Variants in DNAAF5 observed in about 807,000 individuals in gnomAD.
DNAAF5 encodes the protein dynein axonemal assembly factor 5, also known as HEAT repeat containing 2.
A neutral mutation model predicts 75.8 loss-of-function variants in DNAAF5; 64 were observed. That is an observed-to-expected ratio of 0.84 (90% CI 0.69 to 1.04). The LOEUF is 1.04. Ranked by LOEUF, DNAAF5 falls within the 50% of genes least tolerant of loss-of-function variation. The pLI, the probability that DNAAF5 is intolerant of heterozygous loss-of-function variation, is 0.00. For synonymous variants in DNAAF5, 657 were observed against 557.2 expected (o/e 1.18, Z -2.52); for missense variants, 1,269 against 1,178.5 (o/e 1.08, Z -1.12).
intron 8 of DNAAF5, among the ~76,000 whole-genome samples, chr7:769,861 G>A (rs1048237704): frequency 3.9e-5 from 6 of 152,040 alleles, no homozygotes; most frequent in East Asian, 1.9e-4. Context: ...GGCTGGTCTC[G>A]AACTCCCGAC....
chr7:783,570 T>C (rs562281955), intron 12 of DNAAF5, among the ~76,000 whole-genome samples: 16 of 152,316 alleles, frequency 1.1e-4, no homozygotes, highest in African/African-American at 2.4e-4. Context: ...CCAGAGCCCA[T>C]TGATCCACGG....
Position 729,803 on chromosome 7 carries a change from G to C in DNAAF5, c.736G>C (p.Val246Leu). The C allele has an allele frequency of 6.2e-7, 1 of 1,614,220 alleles. No individual in the cohort carries two copies. Among genetic ancestry groups the C allele is most frequent in the Admixed American group, 1.7e-5 (1 of 60,022 alleles). ...HFGNGKSVDD[V>L]LSHFAQRLFD... ...TGGCAACGGGAAGTCCGTGGACGAC[G>C]TGCTTTCCCATTTTGCTCAGCGACT... Residue 246 changes from valine to leucine, a missense_variant, in exon 2 of 13, where the codon GTG (valine) becomes CTG (leucine). Physicochemically the swap from Val to Leu is conservative, Grantham distance 32. Coordinates refer to ENST00000297440, the MANE Select transcript of DNAAF5 (RefSeq NM_017802.4).
Position 740,917 on chromosome 7 carries a change from C to G in DNAAF5, c.879C>G (p.Ser293Arg). 6.2e-7 allele frequency: 1 copy of G among 1,613,794 alleles called. No homozygotes were observed. The highest frequency in any genetic ancestry group is 8.5e-7 in the Non-Finnish European group (1 of 1,180,034). Residue 293 changes from serine (S) to arginine (R), a missense_variant, in exon 3 of 13, where the codon AGC (serine) becomes AGG (arginine). Coordinates refer to ENST00000297440, the MANE Select transcript of DNAAF5 (RefSeq NM_017802.4). ...AGCTCATCCCTCTGCTGCTCAGTAGCCTCAACGACGAGGTGCCTGAGGTCA... is the reference window on the plus strand; with the variant it reads ...AGCTCATCCCTCTGCTGCTCAGTAGGCTCAACGACGAGGTGCCTGAGGTCA... ...FHKLIPLLLS[S>R]LNDEVPEVRQ...
In DNAAF5 at chr7:785,575, C is replaced by T. The variant is rs774657675; in HGVS notation, c.2490C>T (p.Ala830=). Residue 830 remains alanine, a synonymous_variant, in exon 13 of 13, where the codon GCC becomes GCT. Coordinates refer to ENST00000297440, the MANE Select transcript of DNAAF5 (RefSeq NM_017802.4). ...ATCTCCTGGTGAGGGAGACGGAGGC[C>T]GTCATCCACAAGCACCGCTCGGCCA... ...FPDLLVRETE[A]VIHKHRSATY... The T allele has an allele frequency of 4.1e-5, 66 of 1,613,262 alleles. No individual in the cohort carries two copies. In the Middle Eastern group the frequency reaches 1.5e-3, roughly 36 times the overall value.
chr7:734,697 C>T (rs140240962), intron 2 of DNAAF5, among the ~76,000 whole-genome samples: 193 of 152,268 alleles, frequency 1.3e-3, no homozygotes, highest in African/African-American at 4.2e-3. Context: ...TGAAATATTG[C>T]GACCCGGGCT....
Position 780,092 on chromosome 7 carries a change from G to T in DNAAF5, c.2379G>T (p.Glu793Asp), listed in dbSNP as rs1487211423. The T allele has an allele frequency of 4.3e-6, 7 of 1,614,206 alleles. No homozygotes were observed. Among genetic ancestry groups the T allele is most frequent in the South Asian group, 1.1e-5 (1 of 91,084 alleles). ...GCAGTGTCCAGTACCTGTACCGAGAGTTGCTGGTTCACCTTGACGATCCAG... is the reference window on the plus strand; with the variant it reads ...GCAGTGTCCAGTACCTGTACCGAGATTTGCTGGTTCACCTTGACGATCCAG... ...YQSSVQYLYR[E>D]LLVHLDDPER... Residue 793 changes from glutamate (E) to aspartate (D), a missense_variant, in exon 12 of 13, where the codon GAG becomes GAT. Physicochemically the swap from Glu to Asp is conservative, Grantham distance 45. Transcript: ENST00000297440.
At chr7:770,147 T>C (rs568350120) in intron 8 of DNAAF5, among the ~76,000 whole-genome samples, 1 of 152,282 alleles carries the variant, frequency 6.6e-6, no homozygotes, top group African/African-American at 2.4e-5. Flanking sequence ...AGATGGGGTT[T>C]CACCATGTTG....
At chr7:732,169 C>T (rs1207647247) in intron 2 of DNAAF5, among the ~76,000 whole-genome samples, 2 of 152,236 alleles carry the variant, frequency 1.3e-5, no homozygotes, top group Non-Finnish European at 2.9e-5. Context: ...GGTCTAGCCG[C>T]CCTGGAGCCT....
rs568954622 is a variant in DNAAF5 at position 777,038 on chromosome 7, G to A, written c.2239+1876G>A. 8.5e-5 allele frequency among the ~76,000 whole-genome samples: 13 copies of A among 152,302 alleles called. No individual in the cohort carries two copies. The South Asian group carries it at 1.7e-3, about 19-fold the overall frequency. ...TTATGAAACTAATGCCTGATGATCC[G>A]TCACTGTCTCCCATCGTCCCCACAT... On this transcript the variant is annotated intron_variant, in intron 11 of 12. Coordinates refer to ENST00000297440, the MANE Select transcript of DNAAF5 (RefSeq NM_017802.4).
chr7:782,931 G>A (rs897703725), intron 12 of DNAAF5, among the ~76,000 whole-genome samples: 2 of 152,220 alleles, frequency 1.3e-5, no homozygotes, highest in African/African-American at 2.4e-5. Flanking sequence ...CCCCTCCGGC[G>A]GCATCAGAAA....
At chr7:769,132 C>G (rs747628902) in intron 8 of DNAAF5, 3 of 767,340 alleles carry the variant, frequency 3.9e-6, no homozygotes, top group African/African-American at 3.4e-5. Flanking sequence ...AGTCCACTAC[C>G]GAGCAGCCTG....
intron 2 of DNAAF5, among the ~76,000 whole-genome samples, chr7:735,510 G>T (rs28534583): frequency 2.6e-4 from 39 of 150,822 alleles, no homozygotes; most frequent in African/African-American, 9.2e-4. Flanking sequence ...TGTAGTTGCT[G>T]ATATTGTTGC....
intron 8 of DNAAF5, among the ~76,000 whole-genome samples, chr7:767,025 G>T (rs1029300810): frequency 2.0e-5 from 3 of 151,964 alleles, no homozygotes; most frequent in Non-Finnish European, 4.4e-5. Flanking sequence ...AGATCCCGAT[G>T]TCAGGAGATC....
chr7:741,207 C>T, intron 3 of DNAAF5, 140 bp from the exon 4 acceptor site: 1 of 707,528 alleles, frequency 1.4e-6, no homozygotes, highest in Non-Finnish European at 2.4e-6. Flanking sequence ...AGTGGAATTT[C>T]TGGTCCACCT....
At chr7:774,559 G>A (rs912848726) in intron 10 of DNAAF5, among the ~76,000 whole-genome samples, 3 of 61,400 alleles carry the variant, frequency 4.9e-5, no homozygotes, top group South Asian at 5.0e-4. Context: ...TGGGCTTTCC[G>A]CATCGTTTCT....
intron 9 of DNAAF5, chr7:771,012 C>T (rs2128083891): frequency 1.4e-5 from 2 of 141,230 alleles, no homozygotes; most frequent in Middle Eastern, 3.5e-3. Context: ...TCAAAGTCAT[C>T]TCCGTGTGGT....
Position 751,317 on chromosome 7 carries a change from C to T in DNAAF5, c.1025-3272C>T, listed in dbSNP as rs533992784. On this transcript the variant is annotated intron_variant, in intron 4 of 12. Transcript: ENST00000297440. ...AGAAAAAGGTTAAAAATGGGGTGTCCTGGTACAAGCTGTTCTTATTAAAAC... is the reference window on the plus strand; with the variant it reads ...AGAAAAAGGTTAAAAATGGGGTGTCTTGGTACAAGCTGTTCTTATTAAAAC... Among the ~76,000 whole-genome samples, 5 of 152,142 alleles carry T rather than the reference C, an allele frequency of 3.3e-5. No individual in the cohort carries two copies. The East Asian group carries it at 9.7e-4, about 30-fold the overall frequency.
chr7:774,136 C>G lies in DNAAF5; in HGVS notation c.2020C>G (p.Arg674Gly). 1.9e-6 allele frequency: 3 copies of G among 1,612,386 alleles called. No individual in the cohort carries two copies. Among genetic ancestry groups the G allele is most frequent in the Non-Finnish European group, 2.5e-6 (3 of 1,179,934 alleles). ...WHAGRTAAAI[R>G]TAAVSCLWAL... ...TGCGGGGAGGACAGCCGCGGCCATC[C>G]GCACGGCTGCCGTGTCCTGCCTCTG... is the stretch of plus-strand genomic sequence containing the variant. Residue 674 changes from arginine to glycine, a missense_variant, in exon 10 of 13, where the codon CGC becomes GGC. Transcript: ENST00000297440.
chr7:730,576 C>T (rs369160508), intron 2 of DNAAF5, among the ~76,000 whole-genome samples: 5 of 152,302 alleles, frequency 3.3e-5, no homozygotes, highest in African/African-American at 9.6e-5. Flanking sequence ...TGAAGAGTCA[C>T]TCGGGGTATT....
Sources: gnomAD v4.1 joint callset for allele counts (sites outside exome capture counted in the v4.1 genomes callset) on GRCh38, gnomAD v4.1.1 for gene constraint, MANE v1.5 for transcripts, NCBI Gene and HGNC (gene_info 2026-07-23, HGNC 2026-07-21) for gene names.